PRKCE: variants seen among roughly 807,000 people sequenced by gnomAD.
PRKCE encodes the protein protein kinase C epsilon type.
In PRKCE, 16 loss-of-function variants were observed where a neutral mutation model predicts 85.4. The ratio of observed to expected loss-of-function variants is 0.19; its 90% CI spans 0.13 to 0.28. PRKCE has a LOEUF of 0.28. Ranked by LOEUF, PRKCE falls within the 10% of genes least tolerant of loss-of-function variation. The probability of loss-of-function intolerance (pLI) is 1.00; values close to 1 mark genes in which losing one functional copy is unlikely to be tolerated. For synonymous variants in PRKCE, 388 were observed against 371.5 expected, an observed-to-expected ratio of 1.04 and a Z score of -0.51; for missense variants, 573 against 975.2, an observed-to-expected ratio of 0.59 and a Z score of 5.49.
chr2:46,182,820 C>T lies in PRKCE; in HGVS notation c.2068-1915C>T, dbSNP rs547474458. 9.2e-5 allele frequency among the ~76,000 whole-genome samples: 14 copies of T among 152,330 alleles called. No individual in the cohort carries two copies. In the South Asian group the frequency reaches 1.4e-3, roughly 16 times the overall value. ...ATGCTTGCCTACTGGCAGGCCTTTC[C>T]GGCTTTATTTTGCCTAGTGGTGTTA... On this transcript the variant is annotated intron_variant, in intron 14 of 14. Transcript: ENST00000306156.
At position 45,652,515 on chromosome 2, in the gene PRKCE, T is replaced by G; in HGVS notation, c.348+67T>G. On this transcript the variant is annotated intron_variant, in intron 1 of 14. Transcript: ENST00000306156. The surrounding 1 kb of genome is among the most constrained non-coding windows in gnomAD (Gnocchi z 7.7). ...GGGGTCCCGGGGAAAGACTCGCTGG[T>G]CTTGATCGTAGGGCTCCGGGACTTA... 1 of 1,422,478 alleles carries G rather than the reference T, an allele frequency of 7.0e-7. No homozygotes were observed. Among genetic ancestry groups the G allele is most frequent in the Non-Finnish European group, 9.4e-7 (1 of 1,059,264 alleles). 88.1% of individuals were successfully genotyped at this position (1,422,478 alleles called of 1,614,324 possible). A position where few individuals can be genotyped will look rare whatever the true frequency, so the allele number is the denominator to read the frequency against.
chr2:46,001,524 A>G lies in PRKCE; in HGVS notation c.944A>G (p.Asn315Ser), dbSNP rs1284783378. The G allele has an allele frequency of 6.3e-7, 1 of 1,598,960 alleles. No individual in the cohort carries two copies. Among genetic ancestry groups the G allele is most frequent in the Non-Finnish European group, 8.5e-7 (1 of 1,179,630 alleles). Residue 315 changes from asparagine to serine, a missense_variant, in exon 7 of 15, where the codon AAC (asparagine) becomes AGC (serine). Coordinates refer to ENST00000306156, the MANE Select transcript of PRKCE (RefSeq NM_005400.3). The surrounding 1 kb of genome is among the most constrained non-coding windows in gnomAD (Gnocchi z 4.4). ...DLGVTPDKITNSGQRRKKLIA... is the reference protein window; with the variant it reads ...DLGVTPDKITSSGQRRKKLIA... ...GGCGTTACCCCAGACAAAATCACCA[A>G]CAGCGGCCAGAGAAGGAAAAAGGTA... is the stretch of plus-strand genomic sequence containing the variant.
At chr2:46,023,817 G>C (rs950444449) in intron 10 of PRKCE, among the ~76,000 whole-genome samples, 8 of 152,084 alleles carry the variant, frequency 5.3e-5, no homozygotes, top group Admixed American at 5.2e-4. Context: ...AGGAGAGAGG[G>C]GCCATCTGGG....
At position 45,925,435 on chromosome 2, in the gene PRKCE, T is replaced by C. The variant is rs528479539; in HGVS notation, c.413-50994T>C. Among the ~76,000 whole-genome samples, 85 of 152,254 alleles carry C rather than the reference T, an allele frequency of 5.6e-4. No homozygotes were observed. In the South Asian group the frequency reaches 0.017, roughly 30 times the overall value. ...CCTCAGCCTCCCGAGTAGCTGGGAT[T>C]ACAGGCACCACCACCACGCCCAGCT... On this transcript the variant is annotated intron_variant, in intron 2 of 14. Transcript: ENST00000306156.
chr2:46,075,784 G>A (rs1668505384), intron 10 of PRKCE, among the ~76,000 whole-genome samples: 2 of 152,188 alleles, frequency 1.3e-5, no homozygotes, highest in Admixed American at 1.3e-4. Flanking sequence ...GAATCAAAAA[G>A]GGATTTGACT....
intron 2 of PRKCE, among the ~76,000 whole-genome samples, chr2:45,954,915 A>G (rs1700868563): frequency 6.6e-6 from 1 of 152,160 alleles, no homozygotes; most frequent in Non-Finnish European, 1.5e-5. Context: ...CCTACCTACT[A>G]TTGTCAATAC....
chr2:45,820,733 C>T (rs948299916), intron 1 of PRKCE, among the ~76,000 whole-genome samples: 1 of 152,104 alleles, frequency 6.6e-6, no homozygotes, highest in African/African-American at 2.4e-5. Context: ...TTGTTGTTCT[C>T]GATCATTCCC....
At chr2:45,813,164 A>C (rs1688773211) in intron 1 of PRKCE, among the ~76,000 whole-genome samples, 1 of 152,164 alleles carries the variant, frequency 6.6e-6, no homozygotes, top group Admixed American at 6.5e-5. Flanking sequence ...CCAGTGCGCT[A>C]ATCACCAGCC....
chr2:45,857,981 A>T (rs891881088), intron 2 of PRKCE, among the ~76,000 whole-genome samples: 4 of 152,208 alleles, frequency 2.6e-5, no homozygotes, highest in Non-Finnish European at 5.9e-5. Flanking sequence ...GCATCCTGTG[A>T]CACGTGACCG....
chr2:45,997,514 GTATTT>G (rs1704316019), intron 6 of PRKCE, among the ~76,000 whole-genome samples: 1 of 151,720 alleles, frequency 6.6e-6, no homozygotes, highest in Non-Finnish European at 1.5e-5. Context: ...TTTTGATGTT[GTATTT>G]TATTTTATTT....
At chr2:45,869,849 A>T (rs933834630) in intron 2 of PRKCE, among the ~76,000 whole-genome samples, 2 of 151,642 alleles carry the variant, frequency 1.3e-5, no homozygotes, top group Admixed American at 6.6e-5. Flanking sequence ...CTGGGACTAC[A>T]GGTGCACGCC....
rs1003569542 is a variant in PRKCE at position 46,186,923 on chromosome 2, A to G, written c.*2042A>G. 2.0e-5 allele frequency: 3 copies of G among 152,678 alleles called. No homozygotes were observed. The highest frequency in any genetic ancestry group is 4.4e-5 in the Non-Finnish European group (3 of 68,056). 9.5% of individuals were successfully genotyped at this position (152,678 alleles called of 1,614,324 possible). On this transcript the variant is annotated 3_prime_UTR_variant, in exon 15 of 15. Coordinates refer to ENST00000306156, the MANE Select transcript of PRKCE (RefSeq NM_005400.3). ...TTGCAAATATTAAATATTATGATAT[A>G]TCAATTCATGTGTTTGGCATACCAG... is the stretch of plus-strand genomic sequence containing the variant.
chr2:45,819,428 C>G (rs1045571727), intron 1 of PRKCE, among the ~76,000 whole-genome samples: 1 of 152,210 alleles, frequency 6.6e-6, no homozygotes, highest in African/African-American at 2.4e-5. Context: ...GTTTATGAGT[C>G]AAGGTCCATA....
rs981798060 is a variant in PRKCE, at chr2:45,907,414, C to T, written c.412+64351C>T. On this transcript the variant is annotated intron_variant, in intron 2 of 14. Coordinates refer to ENST00000306156, the MANE Select transcript of PRKCE (RefSeq NM_005400.3). This position sits in a 1 kb window ranked among gnomAD's most constrained non-coding sequence, Gnocchi z 4.5. ...ATCTGCGAGTCCTGCATTGCATTTG[C>T]TGAATAGCTGTTGGGGTAACACTCC... is the stretch of plus-strand genomic sequence containing the variant. Among the ~76,000 whole-genome samples the T allele has an allele frequency of 2.6e-4, 40 of 152,190 alleles. No homozygotes were observed. Among genetic ancestry groups the T allele is most frequent in the Admixed American group, 5.2e-4 (8 of 15,284 alleles).
At chr2:46,137,408 CA>C (rs905286135) in intron 11 of PRKCE, among the ~76,000 whole-genome samples, 18 of 152,084 alleles carry the variant, frequency 1.2e-4, no homozygotes, top group African/African-American at 4.1e-4. Context: ...TCTTAGAAGC[CA>C]AAATATGTGT....
At chr2:45,929,618 C>G (rs1160337625) in intron 2 of PRKCE, among the ~76,000 whole-genome samples, 1 of 152,148 alleles carries the variant, frequency 6.6e-6, no homozygotes, top group East Asian at 1.9e-4. Flanking sequence ...TTAGAGAACT[C>G]ATATTATCAA....
chr2:45,681,102 A>T (rs1034122510), intron 1 of PRKCE, among the ~76,000 whole-genome samples: 2 of 152,152 alleles, frequency 1.3e-5, no homozygotes, highest in Middle Eastern at 3.4e-3. Flanking sequence ...CAGCCTGGCC[A>T]AGATGCTAAA....
intron 1 of PRKCE, among the ~76,000 whole-genome samples, chr2:45,696,743 T>C (rs1258537377): frequency 6.6e-6 from 1 of 152,250 alleles, no homozygotes; most frequent in East Asian, 1.9e-4. Flanking sequence ...GAATGCTGAT[T>C]GTCACATTGT....
In PRKCE at chr2:46,100,915, C is replaced by T. The variant is rs151068460; in HGVS notation, c.1592+14553C>T. Among the ~76,000 whole-genome samples, 973 of 152,166 alleles carry T rather than the reference C, an allele frequency of 6.4e-3. 18 individuals carry two copies. Among genetic ancestry groups the T allele is most frequent in the African/African-American group, 0.022 (902 of 41,502 alleles). Reference sequence around the variant, plus strand: ...ATGGGATCTCGCTCTGTCACCCATGCTGGAGTGTAGTAGCACGATCTCAGC... The same window carrying T: ...ATGGGATCTCGCTCTGTCACCCATGTTGGAGTGTAGTAGCACGATCTCAGC... On this transcript the variant is annotated intron_variant, in intron 11 of 14. Coordinates refer to ENST00000306156, the MANE Select transcript of PRKCE (RefSeq NM_005400.3).
Sources: gnomAD v4.1 joint callset for allele counts (sites outside exome capture counted in the v4.1 genomes callset) on GRCh38, gnomAD v4.1.1 for gene constraint, Gnocchi (gnomAD v3.1) non-coding constraint, MANE v1.5 for transcripts, NCBI Gene and HGNC (gene_info 2026-07-23, HGNC 2026-07-21) for gene names.